Variants in SAMD5 observed in about 807,000 individuals in gnomAD.
SAMD5 encodes the protein sterile alpha motif domain containing 5.
SAMD5 carries 13 observed loss-of-function variants against 11.3 expected under a neutral mutation model. That is an observed-to-expected ratio of 1.15 (90% CI 0.75 to 1.83). The LOEUF (loss-of-function observed/expected upper bound fraction) is 1.83, where lower values mean the gene tolerates loss of function less well. Ranked by LOEUF, SAMD5 falls within the 40% of genes most tolerant of loss-of-function variation. The probability of loss-of-function intolerance (pLI) is 0.00; values close to 1 mark genes in which losing one functional copy is unlikely to be tolerated. For missense variants in SAMD5, 255 were observed against 239.1 expected, an observed-to-expected ratio of 1.07 and a Z score of -0.44; for synonymous variants, 129 against 111.3, an observed-to-expected ratio of 1.16 and a Z score of -1.00.
the SAMD5 span, among the ~76,000 whole-genome samples, chr6:147,862,277 T>A: frequency 3.3e-5 from 5 of 152,122 alleles, no homozygotes; most frequent in African/African-American, 1.2e-4. Context: ...ATGCCTGTCA[T>A]CTGTGGTGGA....
At chr6:147,714,945 A>C (rs935194678) in intron 1 of SAMD5, among the ~76,000 whole-genome samples, 3 of 152,218 alleles carry the variant, frequency 2.0e-5, no homozygotes, top group African/African-American at 7.2e-5. Flanking sequence ...TTGTTTACCA[A>C]ATTACTATTA....
the SAMD5 span, among the ~76,000 whole-genome samples, chr6:147,950,011 T>C: frequency 2.0e-5 from 3 of 152,180 alleles, no homozygotes; most frequent in Admixed American, 6.5e-5. Context: ...GAAGATACAA[T>C]GTTAGAGCAG....
At position 147,565,253 on chromosome 6, in the gene SAMD5, C is replaced by T. The variant is rs1484838444; in HGVS notation, c.*797C>T. 1 of 985,720 alleles carries T rather than the reference C, an allele frequency of 1.0e-6. No individual in the cohort carries two copies. The highest frequency in any genetic ancestry group is 1.7e-5 in the African/African-American group (1 of 57,238). The allele number at this position is 985,720 out of a possible 1,614,324, so 61.1% of individuals were successfully genotyped here. A position where few individuals can be genotyped will look rare whatever the true frequency, so the allele number is the denominator to read the frequency against. ...CCAGGGCCGCAGCTCACAGCCTGTT[C>T]TGAGCTGCAGTGCTTTATCCCACCT... On this transcript the variant is annotated 3_prime_UTR_variant, in exon 2 of 2. Coordinates refer to ENST00000367474, the MANE Select transcript of SAMD5 (RefSeq NM_001030060.3).
chr6:147,783,349 C>A, the SAMD5 span, among the ~76,000 whole-genome samples: 1 of 147,728 alleles, frequency 6.8e-6, no homozygotes, highest in Admixed American at 6.9e-5. Context: ...AAAATCTACT[C>A]CTTTGTGAAA....
intron 1 of SAMD5, among the ~76,000 whole-genome samples, chr6:147,560,248 T>C (rs1788927328): frequency 6.6e-6 from 1 of 152,194 alleles, no homozygotes; most frequent in Non-Finnish European, 1.5e-5. Flanking sequence ...TTCTTGGTCC[T>C]ATAGTAACAG....
chr6:147,781,159 G>GTT, the SAMD5 span, among the ~76,000 whole-genome samples: 4 of 137,760 alleles, frequency 2.9e-5, no homozygotes, highest in Non-Finnish European at 4.8e-5. Context: ...TTTTGGATTT[G>GTT]TTTTTTTTTT....
At chr6:147,525,018 A>C (rs951168350) in intron 1 of SAMD5, among the ~76,000 whole-genome samples, 1 of 152,060 alleles carries the variant, frequency 6.6e-6, no homozygotes, top group African/African-American at 2.4e-5. Context: ...TACTGACCTC[A>C]GAGCCCGTGG....
At chr6:147,870,043 A>G in the SAMD5 span, among the ~76,000 whole-genome samples, 1 of 152,034 alleles carries the variant, frequency 6.6e-6, no homozygotes, top group African/African-American at 2.4e-5. Flanking sequence ...GGGATTTTTT[A>G]CATTCTTTTT....
intron 1 of SAMD5, among the ~76,000 whole-genome samples, chr6:147,715,919 A>G (rs1583150780): frequency 6.6e-6 from 1 of 152,110 alleles, no homozygotes; most frequent in Non-Finnish European, 1.5e-5. Flanking sequence ...TATTGGCTTC[A>G]GAGGGGAAGA....
chr6:147,613,186 T>C (rs1789811099), intron 1 of SAMD5, among the ~76,000 whole-genome samples: 1 of 150,300 alleles, frequency 6.7e-6, no homozygotes, highest in African/African-American at 2.5e-5. Context: ...ATTATGATTA[T>C]ATCTCATAGA....
Position 147,580,223 on chromosome 6 carries a change from T to C in SAMD5, c.162+70836T>C, listed in dbSNP as rs577796418. On this transcript the variant is annotated intron_variant, in intron 1 of 1. Coordinates refer to the SAMD5 transcript ENST00000566741. ...CTCAGGTCTTCCAGGAGGGCAGTAG[T>C]GTAACCTGAGAAAGAACCAGAGAAT... is the stretch of plus-strand genomic sequence containing the variant. 2.6e-5 allele frequency among the ~76,000 whole-genome samples: 4 copies of C among 152,298 alleles called. No homozygotes were observed. The South Asian group carries it at 8.3e-4, about 32-fold the overall frequency.
chr6:147,851,836 T>C, the SAMD5 span, among the ~76,000 whole-genome samples: 1 of 152,222 alleles, frequency 6.6e-6, no homozygotes, highest in Non-Finnish European at 1.5e-5. Context: ...AGTTTGGGTA[T>C]TCCAATAAAC....
At chr6:147,724,708 A>T (rs1046335749) in intron 1 of SAMD5, among the ~76,000 whole-genome samples, 1 of 152,106 alleles carries the variant, frequency 6.6e-6, no homozygotes, top group African/African-American at 2.4e-5. Flanking sequence ...CATGATGGAG[A>T]TGGGGGAAGG....
the SAMD5 span, among the ~76,000 whole-genome samples, chr6:147,931,777 G>T: frequency 3.9e-5 from 6 of 152,090 alleles, no homozygotes; most frequent in Non-Finnish European, 7.4e-5. Flanking sequence ...GTATTTATCT[G>T]TATTATACAA....
At chr6:147,604,581 T>C (rs1343747839) in intron 1 of SAMD5, among the ~76,000 whole-genome samples, 1 of 152,222 alleles carries the variant, frequency 6.6e-6, no homozygotes, top group Non-Finnish European at 1.5e-5. Context: ...ATTCTGGTTT[T>C]CAAGAATGCA....
At chr6:147,662,017 A>T (rs566919507) in intron 1 of SAMD5, among the ~76,000 whole-genome samples, 8 of 152,066 alleles carry the variant, frequency 5.3e-5, no homozygotes, top group African/African-American at 1.9e-4. Context: ...TTCTTCCTTG[A>T]CTCATTTCGT....
intron 1 of SAMD5, among the ~76,000 whole-genome samples, chr6:147,600,009 G>T (rs1789592051): frequency 6.6e-6 from 1 of 152,138 alleles, no homozygotes; most frequent in Non-Finnish European, 1.5e-5. Context: ...TGTGGGACCA[G>T]TCGTGGTCAC....
the SAMD5 span, among the ~76,000 whole-genome samples, chr6:147,756,913 T>G: frequency 5.3e-5 from 8 of 152,360 alleles, no homozygotes; most frequent in East Asian, 1.3e-3. Context: ...TCAACATCCT[T>G]TCATTCCCAG....
chr6:147,781,550 T>C, the SAMD5 span, among the ~76,000 whole-genome samples: 1 of 152,210 alleles, frequency 6.6e-6, no homozygotes, highest in Middle Eastern at 3.4e-3. Flanking sequence ...TTCCACCAAA[T>C]GTTGACAGAG....
Sources: allele counts gnomAD v4.1 joint callset (sites outside exome capture counted in the v4.1 genomes callset), GRCh38; gene constraint gnomAD v4.1.1; transcripts MANE v1.5; gene names NCBI Gene and HGNC (gene_info 2026-07-23, HGNC 2026-07-21).